The following PTPRG variants were observed in gnomAD, a reference collection of about 807,000 sequenced individuals.
PTPRG encodes receptor-type tyrosine-protein phosphatase gamma.
A neutral mutation model predicts 165.3 loss-of-function variants in PTPRG; 102 were observed. The observed-to-expected ratio is 0.62, with a 90% CI of 0.53 to 0.73. The LOEUF is 0.73. Among genes scored for constraint, PTPRG ranks in the 30% least tolerant of loss-of-function variants. The pLI is 0.00. For synonymous variants in PTPRG, 675 were observed against 669.5 expected (o/e 1.01, Z -0.13); for missense variants, 1,866 against 1,861.4 (o/e 1.00, Z -0.05).
intron 10 of PTPRG, among the ~76,000 whole-genome samples, chr3:62,199,879 C>T (rs778713913): frequency 5.9e-5 from 9 of 152,104 alleles, no homozygotes; most frequent in Non-Finnish European, 8.8e-5. Context: ...AAGGGATAAA[C>T]AAAATGTGCT....
intron 4 of PTPRG, among the ~76,000 whole-genome samples, chr3:62,075,957 C>T (rs56213608): frequency 0.062 from 9,391 of 152,020 alleles, 420 homozygotes; most frequent in South Asian, 0.11. Context: ...AAGATGTTTG[C>T]CAAATGTTAA....
rs112596624 is a variant in PTPRG, at chr3:61,823,456, G to C, written c.190+74474G>C. On this transcript the variant is annotated intron_variant, in intron 2 of 29. Coordinates refer to ENST00000474889, the MANE Select transcript of PTPRG (RefSeq NM_002841.4). ...ACCGCCTCGGCCTCCCAAAGTACTG[G>C]GATTACAGGCGTGAGCCACCAGGCC... Among the ~76,000 whole-genome samples the C allele has an allele frequency of 5.7e-3, 865 of 152,046 alleles. 6 individuals are homozygous for C. The highest frequency in any genetic ancestry group is 0.02 in the African/African-American group (838 of 41,510).
intron 1 of PTPRG, among the ~76,000 whole-genome samples, chr3:61,570,508 A>T (rs189455339): frequency 1.0e-3 from 152 of 152,326 alleles, no homozygotes; most frequent in African/African-American, 3.1e-3. Context: ...AAGTGAGTGA[A>T]GCAGGGTGTT....
At chr3:61,779,131 A>C (rs2034470341) in intron 2 of PTPRG, among the ~76,000 whole-genome samples, 1 of 152,176 alleles carries the variant, frequency 6.6e-6, no homozygotes, top group Admixed American at 6.5e-5. Flanking sequence ...GAAGTTACTG[A>C]ACACTTCTCA....
chr3:62,191,625 C>A lies in PTPRG; in HGVS notation c.1190C>A (p.Thr397Lys). Reference protein sequence around the residue: ...WTKNEDEKEKTFTKDSDKDLK... With the variant: ...WTKNEDEKEKKFTKDSDKDLK... The stretch of plus-strand genomic sequence containing the variant: ...AAGAATGAGGACGAGAAGGAGAAGA[C>A]GTTTACAAAGGACAGCGACAAAGAC... The change falls in exon 9 of 30, where the codon ACG becomes AAG. Residue 397 changes from threonine (T) to lysine (K), a missense_variant. Thr to Lys is a moderately conservative substitution (Grantham distance 78, BLOSUM62 -1). Coordinates refer to ENST00000474889, the MANE Select transcript of PTPRG (RefSeq NM_002841.4). 1 of 1,614,138 alleles carries A rather than the reference C, an allele frequency of 6.2e-7. No individual in the cohort carries two copies. The highest frequency in any genetic ancestry group is 2.2e-5 in the East Asian group (1 of 44,874).
chr3:61,847,327 A>T (rs1193584395), intron 2 of PTPRG, among the ~76,000 whole-genome samples: 4 of 152,208 alleles, frequency 2.6e-5, no homozygotes, highest in African/African-American at 2.4e-5. Flanking sequence ...GATTGCCATC[A>T]GCCCACGGGA....
At chr3:62,247,572 C>G (rs746373448) in intron 15 of PTPRG, among the ~76,000 whole-genome samples, 1 of 152,078 alleles carries the variant, frequency 6.6e-6, no homozygotes, top group Non-Finnish European at 1.5e-5. Context: ...TCTCTGTTCT[C>G]TACTTATTTT....
intron 2 of PTPRG, among the ~76,000 whole-genome samples, chr3:61,881,829 C>G (rs1387462186): frequency 2.0e-5 from 3 of 152,208 alleles, no homozygotes; most frequent in Non-Finnish European, 4.4e-5. Flanking sequence ...TGGAAAATCA[C>G]AGGCTCTGAT....
chr3:61,603,597 G>A (rs957964385), intron 1 of PTPRG, among the ~76,000 whole-genome samples: 1 of 152,152 alleles, frequency 6.6e-6, no homozygotes, highest in African/African-American at 2.4e-5. Context: ...CTACAAACTG[G>A]TGAGTTAAAA....
chr3:61,639,960 G>A (rs915993585), intron 1 of PTPRG, among the ~76,000 whole-genome samples: 3 of 152,100 alleles, frequency 2.0e-5, no homozygotes, highest in African/African-American at 7.2e-5. Context: ...GAAAGTGGGT[G>A]TCCCTGTCTT....
intron 1 of PTPRG, among the ~76,000 whole-genome samples, chr3:61,568,451 C>T (rs1699976649): frequency 6.6e-6 from 1 of 152,148 alleles, no homozygotes; most frequent in Admixed American, 6.5e-5. Flanking sequence ...TGATTGTCCC[C>T]TTCTATTGGG....
chr3:61,989,971 T>C lies in PTPRG; in HGVS notation c.370+167T>C, dbSNP rs2040846368. On this transcript the variant is annotated intron_variant, in intron 3 of 29. Transcript: ENST00000474889. ...AGTTATGTAACTCAGTAAATCACTC[T>C]GTGGCTAATCACCCTGTGTCTTCAT... Among the ~76,000 whole-genome samples, 5 of 152,140 alleles carry C rather than the reference T, an allele frequency of 3.3e-5. 1 individual carries two copies. In the South Asian group the frequency reaches 1.0e-3, roughly 32 times the overall value.
intron 12 of PTPRG, among the ~76,000 whole-genome samples, chr3:62,205,695 T>C (rs932575778): frequency 1.3e-5 from 2 of 152,088 alleles, no homozygotes; most frequent in African/African-American, 4.8e-5. Context: ...TGAGGAGCTA[T>C]CAGGCCAGTG....
intron 5 of PTPRG, among the ~76,000 whole-genome samples, chr3:62,085,416 T>C (rs2526421): frequency 0.33 from 49,802 of 151,992 alleles, 10,275 homozygotes; most frequent in African/African-American, 0.59. Context: ...ATCTCCATTC[T>C]ATAGTGCGTT....
rs754714757 is a variant in PTPRG, at chr3:61,748,910, G to C, written c.118G>C (p.Glu40Gln). 1.2e-6 allele frequency: 2 copies of C among 1,613,612 alleles called. No homozygotes were observed. The highest frequency in any genetic ancestry group is 1.7e-6 in the Non-Finnish European group (2 of 1,179,898). Reference sequence around the variant, plus strand: ...AGAAGGCTACGTTGGGGCCCTGCACGAGAATAGACACGGCAGCGCAGTGCA... The same window carrying C: ...AGAAGGCTACGTTGGGGCCCTGCACCAGAATAGACACGGCAGCGCAGTGCA... ...LTEGYVGALH[E>Q]NRHGSAVQIR... The change falls in exon 2 of 30, where the codon GAG (glutamate) becomes CAG (glutamine). Residue 40 changes from glutamate (E) to glutamine (Q), a missense_variant. Transcript: ENST00000474889.
intron 5 of PTPRG, among the ~76,000 whole-genome samples, chr3:62,119,787 A>ATT (rs34842750): frequency 0.25 from 28,334 of 111,512 alleles, 3,387 homozygotes; most frequent in Middle Eastern, 0.3. Flanking sequence ...CGCCTGGCTA[A>ATT]TTTTTTTTTT....
At position 62,213,935 on chromosome 3, in the gene PTPRG, T is replaced by C. The variant is rs1010824571; in HGVS notation, c.2156-4916T>C. Among the ~76,000 whole-genome samples, 2 of 152,058 alleles carry C rather than the reference T, an allele frequency of 1.3e-5. No individual in the cohort carries two copies. Among genetic ancestry groups the C allele is most frequent in the African/African-American group, 4.8e-5 (2 of 41,394 alleles). ...GGGGCCGTGCACAGTGGCTCACACC[T>C]ATAATCCCAGCACTTTGAGTGGGGG... On this transcript the variant is annotated intron_variant, in intron 12 of 29. Transcript: ENST00000474889. The surrounding 1 kb of genome is among the most constrained non-coding windows in gnomAD (Gnocchi z 4.4).
chr3:61,658,699 G>T (rs1575569987), intron 1 of PTPRG, among the ~76,000 whole-genome samples: 1 of 152,070 alleles, frequency 6.6e-6, no homozygotes, highest in Admixed American at 6.5e-5. Flanking sequence ...GATTGGTCTT[G>T]TTCACTGCTC....
chr3:62,248,119 G>C (rs749331081), intron 15 of PTPRG, among the ~76,000 whole-genome samples: 3 of 152,126 alleles, frequency 2.0e-5, no homozygotes, highest in African/African-American at 7.2e-5. Flanking sequence ...AATTAGCCAT[G>C]TTAGAAAAAA....
Sources: allele counts gnomAD v4.1 joint callset (sites outside exome capture counted in the v4.1 genomes callset), GRCh38; gene constraint gnomAD v4.1.1; non-coding constraint Gnocchi (gnomAD v3.1); transcripts MANE v1.5; gene names NCBI Gene and HGNC (gene_info 2026-07-23, HGNC 2026-07-21).